The following COX10 variants were observed in gnomAD, a reference collection of about 807,000 sequenced individuals.
COX10 encodes protoheme IX farnesyltransferase, mitochondrial.
COX10 carries 27 observed loss-of-function variants against 37.3 expected under a neutral mutation model. The observed-to-expected ratio is 0.72, with a 90% CI of 0.53 to 1.00. The LOEUF (loss-of-function observed/expected upper bound fraction) is 1.00. COX10 is among the 50% of genes least tolerant of loss of function. The pLI, the probability that COX10 is intolerant of heterozygous loss-of-function variation, is 0.00. For missense variants in COX10, 475 were observed against 563.2 expected (o/e 0.84, Z 1.59); for synonymous variants, 222 against 229.1 (o/e 0.97, Z 0.28).
intron 4 of COX10, among the ~76,000 whole-genome samples, chr17:14,136,218 C>A (rs1904361434): frequency 6.6e-6 from 1 of 151,800 alleles, no homozygotes; most frequent in Admixed American, 6.6e-5. Flanking sequence ...GAAATATTTC[C>A]ATCAAAACTG....
chr17:14,133,901 A>G (rs947656485), intron 4 of COX10, among the ~76,000 whole-genome samples: 5 of 151,678 alleles, frequency 3.3e-5, no homozygotes, highest in Non-Finnish European at 7.4e-5. Context: ...GTGAGATTAT[A>G]TGTTTTCATA....
chr17:14,161,915 A>G (rs1445597350), intron 5 of COX10, among the ~76,000 whole-genome samples: 4 of 152,168 alleles, frequency 2.6e-5, no homozygotes, highest in Admixed American at 6.5e-5. Flanking sequence ...CCCCTCTCAT[A>G]TATCTATATA....
intron 5 of COX10, among the ~76,000 whole-genome samples, chr17:14,166,560 C>A (rs1243675439): frequency 6.6e-6 from 1 of 151,754 alleles, no homozygotes; most frequent in Non-Finnish European, 1.5e-5. Flanking sequence ...GTTTTCATGC[C>A]TGCCAACACA....
rs1025053893 is a variant in COX10, at chr17:14,151,542, C to T, written c.625-8335C>T. On this transcript the variant is annotated intron_variant, in intron 4 of 6. Coordinates refer to ENST00000261643, the MANE Select transcript of COX10 (RefSeq NM_001303.4). The stretch of plus-strand genomic sequence containing the variant: ...TCCTGAACTAACACACACACACACA[C>T]ACACACACACACACACACACACACA... Among the ~76,000 whole-genome samples, 6 of 150,194 alleles carry T rather than the reference C, an allele frequency of 4.0e-5. No homozygotes were observed. In the East Asian group the frequency reaches 1.0e-3, roughly 25 times the overall value.
At chr17:14,173,656 C>A (rs2142249885) in intron 5 of COX10, among the ~76,000 whole-genome samples, 1 of 152,330 alleles carries the variant, frequency 6.6e-6, no homozygotes, top group South Asian at 2.1e-4. Context: ...ACTGTGAGGG[C>A]TGTTCTATAG....
intron 6 of COX10, among the ~76,000 whole-genome samples, chr17:14,194,924 G>T (rs551761810): frequency 6.6e-6 from 1 of 152,298 alleles, no homozygotes; most frequent in South Asian, 2.1e-4. Flanking sequence ...CAGTCTGAAA[G>T]ACATGTATAA....
intron 4 of COX10, among the ~76,000 whole-genome samples, chr17:14,109,630 G>A (rs1438178001): frequency 6.6e-6 from 1 of 152,124 alleles, no homozygotes; most frequent in Non-Finnish European, 1.5e-5. Context: ...ATTGGGAGCA[G>A]AACCTGTGGA....
intron 3 of COX10, among the ~76,000 whole-genome samples, chr17:14,080,811 T>C (rs1915276663): frequency 6.6e-6 from 1 of 152,166 alleles, no homozygotes; most frequent in Admixed American, 6.5e-5. Context: ...TTTTTTATGG[T>C]ATTTTGTTGT....
intron 5 of COX10, among the ~76,000 whole-genome samples, chr17:14,185,822 A>T (rs1029726938): frequency 4.0e-5 from 6 of 150,230 alleles, no homozygotes; most frequent in African/African-American, 1.5e-4. Flanking sequence ...GTAAAATGTG[A>T]CAAAATAGTC....
At chr17:14,070,375 A>G (rs937459404) in intron 1 of COX10, among the ~76,000 whole-genome samples, 1 of 152,106 alleles carries the variant, frequency 6.6e-6, no homozygotes, top group Non-Finnish European at 1.5e-5. Context: ...GTTTATTTAT[A>G]TACTCGTTTA....
At chr17:14,089,195 T>C (rs528720105) in intron 3 of COX10, among the ~76,000 whole-genome samples, 2 of 152,328 alleles carry the variant, frequency 1.3e-5, no homozygotes, top group East Asian at 3.9e-4. Flanking sequence ...GAGGAGGACA[T>C]GAAGCTGCCT....
chr17:14,110,537 G>A (rs897078641), intron 4 of COX10, among the ~76,000 whole-genome samples: 4 of 152,064 alleles, frequency 2.6e-5, no homozygotes, highest in Non-Finnish European at 5.9e-5. Flanking sequence ...GATTTGGGTG[G>A]CTTGGAGACT....
At chr17:14,102,290 A>G in intron 4 of COX10, 48 bp downstream of exon 4, 1 of 1,610,830 alleles carries the variant, frequency 6.2e-7, no homozygotes, top group Non-Finnish European at 8.5e-7. Flanking sequence ...ACTTTTTCCT[A>G]GATGGCTGTA....
chr17:14,072,472 T>C (rs1322961738), intron 1 of COX10, among the ~76,000 whole-genome samples: 1 of 152,030 alleles, frequency 6.6e-6, no homozygotes, highest in African/African-American at 2.4e-5. Flanking sequence ...CCCCCAACCT[T>C]GGCCTCCCAA....
intron 1 of COX10, among the ~76,000 whole-genome samples, chr17:14,074,088 C>A (rs1915089955): frequency 6.6e-6 from 1 of 152,086 alleles, no homozygotes; most frequent in Non-Finnish European, 1.5e-5. Context: ...GCATAGTGAT[C>A]CTGAAATGAA....
chr17:14,074,473 A>G lies in COX10; in HGVS notation c.177+17A>G, dbSNP rs543596288. 2.0e-5 allele frequency: 32 copies of G among 1,562,398 alleles called. 1 individual carries two copies. The East Asian group carries it at 2.3e-4, about 11-fold the overall frequency. The stretch of plus-strand genomic sequence containing the variant: ...AAACGCATGGTATGTTTAGAAGACC[A>G]TTCTTACTCTGTTACTTTCTGCCTT... On this transcript the variant is annotated intron_variant, in intron 2 of 6. Coordinates refer to ENST00000261643, the MANE Select transcript of COX10 (RefSeq NM_001303.4).
At chr17:14,169,882 A>T (rs1041755132) in intron 5 of COX10, among the ~76,000 whole-genome samples, 10 of 152,124 alleles carry the variant, frequency 6.6e-5, no homozygotes, top group African/African-American at 2.4e-4. Context: ...GGGTTATGGG[A>T]TCAGATTCTT....
intron 1 of COX10, among the ~76,000 whole-genome samples, chr17:14,072,537 T>G (rs1915049868): frequency 6.6e-6 from 1 of 152,130 alleles, no homozygotes; most frequent in African/African-American, 2.4e-5. Context: ...TTGTATTTAG[T>G]AGAGATGGGG....
intron 6 of COX10, 140 bp from the exon 7 acceptor site, chr17:14,206,670 G>T (rs1018502850): frequency 9.4e-7 from 1 of 1,065,180 alleles, no homozygotes; most frequent in Non-Finnish European, 1.4e-6. Flanking sequence ...ACCCTGTGAT[G>T]TAGGCAGGCA....
Sources: gnomAD v4.1 joint callset for allele counts (sites outside exome capture counted in the v4.1 genomes callset) on GRCh38, gnomAD v4.1.1 for gene constraint, MANE v1.5 for transcripts, NCBI Gene and HGNC (gene_info 2026-07-23, HGNC 2026-07-21) for gene names.